Variants in TP53BP1 observed in about 807,000 individuals in gnomAD.
TP53BP1 encodes the protein tumor protein p53 binding protein 1.
Under a neutral mutation model 200.8 loss-of-function variants are expected in TP53BP1, and 61 were observed. The observed-to-expected ratio is 0.30, with a 90% CI of 0.25 to 0.38. The LOEUF (loss-of-function observed/expected upper bound fraction) is 0.38, where lower values mean the gene tolerates loss of function less well. TP53BP1 is among the 10% of genes least tolerant of loss of function. The pLI is 1.00. For missense variants in TP53BP1, 2,144 were observed against 2,371.9 expected (o/e 0.90, Z 2.00); for synonymous variants, 822 against 844.3 (o/e 0.97, Z 0.46).
chr15:43,452,920 C>A (rs190265090), intron 12 of TP53BP1, among the ~76,000 whole-genome samples: 22 of 152,050 alleles, frequency 1.4e-4, no homozygotes, highest in African/African-American at 4.8e-4. Flanking sequence ...CCAGGCCGGG[C>A]GCGGTGGCTC....
At chr15:43,442,680 T>C (rs2444028) in intron 14 of TP53BP1, among the ~76,000 whole-genome samples, 42,707 of 151,394 alleles carry the variant, frequency 0.28, 10,188 homozygotes, top group African/African-American at 0.65. Context: ...GTATTTTTAG[T>C]AGAGATGGGG....
chr15:43,477,803 A>G (rs1363226479), intron 7 of TP53BP1, 44 bp from the exon 8 acceptor site: 3 of 1,405,952 alleles, frequency 2.1e-6, no homozygotes, highest in Admixed American at 2.6e-5. Flanking sequence ...CTAAGTTCAA[A>G]TGTTTTTAAA....
intron 14 of TP53BP1, among the ~76,000 whole-genome samples, chr15:43,443,203 T>C (rs577470303): frequency 5.1e-4 from 77 of 152,218 alleles, no homozygotes; most frequent in Non-Finnish European, 1.8e-4. Flanking sequence ...TAAAAAAGTA[T>C]GTAATAATAC....
At chr15:43,423,373 G>A (rs2045450355) in intron 18 of TP53BP1, among the ~76,000 whole-genome samples, 2 of 150,724 alleles carry the variant, frequency 1.3e-5, no homozygotes, top group Admixed American at 1.3e-4. Context: ...ATTCCTTTTG[G>A]GAGGCCAGGC....
chr15:43,420,809 C>G, intron 20 of TP53BP1, 74 bp from the exon 21 acceptor site: 1 of 1,413,186 alleles, frequency 7.1e-7, no homozygotes, highest in Non-Finnish European at 9.6e-7. Context: ...AATTTTTCCA[C>G]TCCTTTGTCC....
intron 16 of TP53BP1, 75 bp from the exon 17 acceptor site, chr15:43,432,752 T>C (rs1009044709): frequency 1.2e-5 from 18 of 1,455,444 alleles, no homozygotes; most frequent in Non-Finnish European, 1.7e-5. Flanking sequence ...TGCGTGTGCA[T>C]GTGTGTGTGT....
At chr15:43,465,296 G>A (rs1272006700) in intron 11 of TP53BP1, among the ~76,000 whole-genome samples, 1 of 152,084 alleles carries the variant, frequency 6.6e-6, no homozygotes, top group Non-Finnish European at 1.5e-5. Flanking sequence ...AAACTATTCT[G>A]AAATTAGATC....
rs1003746727 is a variant in TP53BP1 at position 43,467,086 on chromosome 15, A to C, written c.1389+2772T>G. Among the ~76,000 whole-genome samples the C allele has an allele frequency of 4.6e-5, 7 of 151,122 alleles. No homozygotes were observed. In the East Asian group the frequency reaches 1.4e-3, roughly 29 times the overall value. On this transcript the variant is annotated intron_variant, in intron 11 of 27. Coordinates refer to ENST00000382044, the MANE Select transcript of TP53BP1 (RefSeq NM_001141980.3). Reference sequence around the variant, plus strand: ...TTTTTTTTTTTTGAGACAAGGTCTCACTCTGTTGCTCAAGCTGAGTGCTGT... The same window carrying C: ...TTTTTTTTTTTTGAGACAAGGTCTCCCTCTGTTGCTCAAGCTGAGTGCTGT...
chr15:43,426,231 G>A (rs1467020911), intron 18 of TP53BP1, among the ~76,000 whole-genome samples: 1 of 151,856 alleles, frequency 6.6e-6, no homozygotes, highest in African/African-American at 2.4e-5. Context: ...CTTGAGATCA[G>A]GAGTTTGAGA....
chr15:43,476,367 C>T (rs1176775246), intron 8 of TP53BP1, among the ~76,000 whole-genome samples: 1 of 152,186 alleles, frequency 6.6e-6, no homozygotes, highest in African/African-American at 2.4e-5. Context: ...GCAAATGAGC[C>T]TTTTATTCCA....
chr15:43,424,598 T>A (rs542849942), intron 18 of TP53BP1, among the ~76,000 whole-genome samples: 1 of 152,370 alleles, frequency 6.6e-6, no homozygotes, highest in East Asian at 1.9e-4. Context: ...ATTATTTAAG[T>A]TTAGTAGTGC....
At chr15:43,428,210 A>C (rs762765178) in intron 17 of TP53BP1, 42 bp from the exon 18 acceptor site, 4 of 1,571,644 alleles carry the variant, frequency 2.5e-6, no homozygotes, top group Admixed American at 3.4e-5. Flanking sequence ...GTCTCACTGC[A>C]AGCTGTCAAA....
chr15:43,413,152 C>T lies in TP53BP1; in HGVS notation c.5272G>A (p.Asp1758Asn). 3 of 1,614,206 alleles carry T rather than the reference C, an allele frequency of 1.9e-6. No homozygotes were observed. The highest frequency in any genetic ancestry group is 1.7e-5 in the Admixed American group (1 of 60,032). Residue 1758 changes from aspartate (D) to asparagine (N), a missense_variant, in exon 24 of 28, where the codon GAT (aspartate) becomes AAT (asparagine). Physicochemically the swap from Asp to Asn is conservative, Grantham distance 23. Transcript: ENST00000382044. ...DKLASRSKLP[D>N]GPTGSSEEEE... The stretch of plus-strand genomic sequence containing the variant: ...TCTTCACTGCTTCCTGTAGGACCAT[C>T]TGGCAGTTTGGAGCGGCTGGCCAAC...
chr15:43,497,539 C>A (rs1442369784), upstream of TP53BP1: 1 of 736,370 alleles, frequency 1.4e-6, no homozygotes, highest in Non-Finnish European at 1.7e-6. Flanking sequence ...GAAGCCAGTA[C>A]TATAGAATAA....
intron 1 of TP53BP1, among the ~76,000 whole-genome samples, chr15:43,507,748 G>T (rs1446219108): frequency 6.6e-6 from 1 of 150,376 alleles, no homozygotes; most frequent in Non-Finnish European, 1.5e-5. Context: ...TTTGAGATAA[G>T]AGGCTTGCTC....
intron 24 of TP53BP1, chr15:43,412,609 A>G: frequency 2.2e-6 from 1 of 460,592 alleles, no homozygotes; most frequent in South Asian, 1.6e-5. Context: ...TTTCTTTGCA[A>G]TCACCCTGAG....
intron 8 of TP53BP1, among the ~76,000 whole-genome samples, chr15:43,477,263 G>A (rs1478746245): frequency 1.4e-5 from 2 of 148,034 alleles, no homozygotes; most frequent in East Asian, 3.9e-4. Context: ...TTGCGCCACT[G>A]CACTCCAGCC....
intron 1 of TP53BP1, among the ~76,000 whole-genome samples, chr15:43,498,861 C>G (rs988003098): frequency 6.6e-6 from 1 of 151,912 alleles, no homozygotes; most frequent in African/African-American, 2.4e-5. Flanking sequence ...CAGTTTGGTA[C>G]TAAGCAAAAC....
chr15:43,493,464 T>G (rs867144004), upstream of TP53BP1, among the ~76,000 whole-genome samples: 8 of 152,122 alleles, frequency 5.3e-5, no homozygotes, highest in Non-Finnish European at 1.2e-4. Flanking sequence ...CTTTTTCTCG[T>G]TCACGCCCCT....
Sources: allele counts gnomAD v4.1 joint callset (sites outside exome capture counted in the v4.1 genomes callset), GRCh38; gene constraint gnomAD v4.1.1; transcripts MANE v1.5; gene names NCBI Gene and HGNC (gene_info 2026-07-23, HGNC 2026-07-21).